FBXO31: variants seen among roughly 807,000 people sequenced by gnomAD.
The protein encoded by FBXO31 is F-box only protein 31.
Under a neutral mutation model 54.4 loss-of-function variants are expected in FBXO31, and 24 were observed. That is an observed-to-expected ratio of 0.44 (90% CI 0.32 to 0.62). FBXO31 has a LOEUF of 0.62. Among genes scored for constraint, FBXO31 ranks in the 20% least tolerant of loss-of-function variants. The pLI, the probability that FBXO31 is intolerant of heterozygous loss-of-function variation, is 0.05. For missense variants in FBXO31, 665 were observed against 787.1 expected, an observed-to-expected ratio of 0.84 and a Z score of 1.86; for synonymous variants, 388 against 335.6, an observed-to-expected ratio of 1.16 and a Z score of -1.71.
chr16:87,331,136 T>TA lies in FBXO31; in HGVS notation c.*151dup. The TA allele has an allele frequency of 1.5e-6, 1 of 661,212 alleles. No homozygotes were observed. The highest frequency in any genetic ancestry group is 2.6e-6 in the Non-Finnish European group (1 of 379,214). 41.0% of individuals were successfully genotyped at this position (661,212 alleles called of 1,614,324 possible). On this transcript the variant is annotated 3_prime_UTR_variant, in exon 9 of 9. Transcript: ENST00000311635. ...GCAGGTCTATGTCACACTCTCTACA[T>TA]AAAGTGCTGGGGGGTGGCTGGACTG...
At chr16:87,390,329 T>C (rs1907482084), upstream of FBXO31, among the ~76,000 whole-genome samples, 1 of 152,154 alleles carries the variant, frequency 6.6e-6, no homozygotes, top group African/African-American at 2.4e-5. Flanking sequence ...GAACTACAAC[T>C]AACGTCATTC....
At position 87,369,432 on chromosome 16, in the gene FBXO31, A is replaced by G. The variant is rs142301450; in HGVS notation, c.341-9066T>C. Among the ~76,000 whole-genome samples, 699 of 152,300 alleles carry G rather than the reference A, an allele frequency of 4.6e-3. 2 individuals carry two copies. The highest frequency in any genetic ancestry group is 7.3e-3 in the Non-Finnish European group (496 of 68,020). On this transcript the variant is annotated intron_variant, in intron 1 of 8. Coordinates refer to ENST00000311635, the MANE Select transcript of FBXO31 (RefSeq NM_024735.5). ...TAAGACACCTCATCCAAGTGGAAGC[A>G]TGCCGTACTTGTCCTTTGGTGACAG...
chr16:87,361,135 A>G (rs1906114416), intron 1 of FBXO31, among the ~76,000 whole-genome samples: 1 of 152,250 alleles, frequency 6.6e-6, no homozygotes, highest in African/African-American at 2.4e-5. Context: ...ACATGGGCCA[A>G]GAGCTGCTAC....
In FBXO31 at chr16:87,329,857, A is replaced by G. The variant is rs1344715073; in HGVS notation, c.*1431T>C. ...TTGCCAAATGCACTGAGGCTGGGCA[A>G]TGGGAATTCTTATGTTCTTTAAAGG... On this transcript the variant is annotated 3_prime_UTR_variant, in exon 9 of 9. Transcript: ENST00000311635. The G allele has an allele frequency of 2.6e-5, 4 of 151,034 alleles. No individual in the cohort carries two copies. In the South Asian group the frequency reaches 6.2e-4, roughly 23 times the overall value. 9.4% of individuals were successfully genotyped at this position (151,034 alleles called of 1,614,324 possible). A position where few individuals can be genotyped will look rare whatever the true frequency, so the allele number is the denominator to read the frequency against.
chr16:87,364,403 G>A (rs1906265815), intron 1 of FBXO31, among the ~76,000 whole-genome samples: 1 of 152,246 alleles, frequency 6.6e-6, no homozygotes, highest in Non-Finnish European at 1.5e-5. Context: ...GGCCAGGTGT[G>A]CAGTGGGGAG....
Position 87,346,177 on chromosome 16 carries a change from A to C in FBXO31, c.489+997T>G, listed in dbSNP as rs780913558. ...GAGAGAGACCCGGAATGAGAACGGGACGCTTCCCCAAGCCTGAGACGCGCG... is the reference window on the plus strand; with the variant it reads ...GAGAGAGACCCGGAATGAGAACGGGCCGCTTCCCCAAGCCTGAGACGCGCG... On this transcript the variant is annotated intron_variant, in intron 3 of 8. Transcript: ENST00000311635. The surrounding 1 kb of genome is among the most constrained non-coding windows in gnomAD (Gnocchi z 4.2). 7.2e-5 allele frequency among the ~76,000 whole-genome samples: 11 copies of C among 152,134 alleles called. No homozygotes were observed. Among genetic ancestry groups the C allele is most frequent in the Non-Finnish European group, 1.0e-4 (7 of 68,018 alleles).
upstream of FBXO31, among the ~76,000 whole-genome samples, chr16:87,384,940 G>A (rs943767638): frequency 4.2e-5 from 6 of 144,144 alleles, no homozygotes; most frequent in Non-Finnish European, 9.1e-5. Flanking sequence ...TTTGGGAGGC[G>A]GAGAAGGGTG....
chr16:87,364,100 G>T lies in FBXO31; in HGVS notation c.341-3734C>A, dbSNP rs150488918. On this transcript the variant is annotated intron_variant, in intron 1 of 8. Coordinates refer to ENST00000311635, the MANE Select transcript of FBXO31 (RefSeq NM_024735.5). ...ATTATAATCTTATTTTGGTTATGTT[G>T]ATACAACACAATCTGTCCTTCCAAG... 1.4e-3 allele frequency among the ~76,000 whole-genome samples: 214 copies of T among 152,272 alleles called. 2 individuals carry two copies. The highest frequency in any genetic ancestry group is 5.0e-3 in the African/African-American group (207 of 41,562).
chr16:87,350,233 C>T (rs1258490348), intron 2 of FBXO31, among the ~76,000 whole-genome samples: 1 of 152,110 alleles, frequency 6.6e-6, no homozygotes, highest in African/African-American at 2.4e-5. Context: ...GCCAGGACGG[C>T]AGCAAGTAGG....
chr16:87,364,197 A>T (rs1299953233), intron 1 of FBXO31, among the ~76,000 whole-genome samples: 2 of 152,254 alleles, frequency 1.3e-5, no homozygotes, highest in Non-Finnish European at 2.9e-5. Flanking sequence ...GTGCGGCAAC[A>T]GGGACTCCAC....
intron 1 of FBXO31, among the ~76,000 whole-genome samples, chr16:87,364,559 C>T (rs1005659319): frequency 6.6e-6 from 1 of 152,164 alleles, no homozygotes; most frequent in Non-Finnish European, 1.5e-5. Context: ...TCAGGTTGAA[C>T]CAGAGGCCTG....
chr16:87,350,722 T>TA (rs146548983), intron 2 of FBXO31, among the ~76,000 whole-genome samples: 18,926 of 149,028 alleles, frequency 0.13, 1,644 homozygotes, highest in East Asian at 0.44. Flanking sequence ...ATACTGGGGT[T>TA]AAAAAAAAAA....
At chr16:87,373,848 A>G (rs930177390) in intron 1 of FBXO31, among the ~76,000 whole-genome samples, 1 of 152,230 alleles carries the variant, frequency 6.6e-6, no homozygotes, top group African/African-American at 2.4e-5. Flanking sequence ...GCATTCAAAA[A>G]CAACATTAAA....
At chr16:87,382,779 C>A (rs1907139613) in intron 1 of FBXO31, among the ~76,000 whole-genome samples, 1 of 152,138 alleles carries the variant, frequency 6.6e-6, no homozygotes, top group Non-Finnish European at 1.5e-5. Context: ...ATTACAGGCG[C>A]CCGCTACCAC....
chr16:87,381,011 A>T (rs2150699567), intron 1 of FBXO31, among the ~76,000 whole-genome samples: 1 of 152,340 alleles, frequency 6.6e-6, no homozygotes, highest in Non-Finnish European at 1.5e-5. Flanking sequence ...GTCACCACAC[A>T]GGTCTGGCCG....
Position 87,383,677 on chromosome 16 carries a change from C to T in FBXO31, c.68G>A (p.Arg23Gln). Residue 23 changes from arginine to glutamine, a missense_variant, in exon 1 of 9, where the codon CGG becomes CAG. By Grantham distance (43) the Arg-to-Gln change is conservative (BLOSUM62 1). Coordinates refer to ENST00000311635, the MANE Select transcript of FBXO31 (RefSeq NM_024735.5). The surrounding 1 kb of genome is among the most constrained non-coding windows in gnomAD (Gnocchi z 4.9). ...GGCCGCCGCCGTCTCGGCCGGGCCC[C>T]GGCGCTGCTGGCGGCGCCGACATCC... ...SRGCRRRQQR[R>Q]GPAETAAADS... The T allele has an allele frequency of 1.6e-6, 2 of 1,290,194 alleles. No individual in the cohort carries two copies. Among genetic ancestry groups the T allele is most frequent in the South Asian group, 2.5e-5 (1 of 40,036 alleles). 79.9% of individuals were successfully genotyped at this position (1,290,194 alleles called of 1,614,324 possible).
intron 1 of FBXO31, among the ~76,000 whole-genome samples, chr16:87,365,530 C>T (rs1906329558): frequency 2.0e-5 from 3 of 152,168 alleles, no homozygotes; most frequent in African/African-American, 7.2e-5. Flanking sequence ...TCCTTGGGAG[C>T]TCGGCAGGGA....
chr16:87,366,421 G>A (rs1047819406), intron 1 of FBXO31, among the ~76,000 whole-genome samples: 3 of 152,194 alleles, frequency 2.0e-5, no homozygotes, highest in Admixed American at 2.0e-4. Flanking sequence ...ACCCACGGCT[G>A]TGGTGGCAAG....
At position 87,382,286 on chromosome 16, in the gene FBXO31, G is replaced by T. The variant is rs191501940; in HGVS notation, c.340+1119C>A. Among the ~76,000 whole-genome samples the T allele has an allele frequency of 2.0e-5, 3 of 152,308 alleles. No individual in the cohort carries two copies. In the East Asian group the frequency reaches 5.8e-4, roughly 29 times the overall value. ...TGCATTATATCCTTTAGGGAAGAAGGTACACACGACTCAGAGGTTTTTTAA... is the reference window on the plus strand; with the variant it reads ...TGCATTATATCCTTTAGGGAAGAAGTTACACACGACTCAGAGGTTTTTTAA... On this transcript the variant is annotated intron_variant, in intron 1 of 8. Coordinates refer to ENST00000311635, the MANE Select transcript of FBXO31 (RefSeq NM_024735.5).
Sources: allele counts gnomAD v4.1 joint callset (sites outside exome capture counted in the v4.1 genomes callset), GRCh38; gene constraint gnomAD v4.1.1; non-coding constraint Gnocchi (gnomAD v3.1); transcripts MANE v1.5; gene names NCBI Gene and HGNC (gene_info 2026-07-23, HGNC 2026-07-21).